KIAA1217: variants seen among roughly 807,000 people sequenced by gnomAD.
KIAA1217 encodes sickle tail protein homolog.
In KIAA1217, 88 loss-of-function variants were observed where a neutral mutation model predicts 163.9. That is an observed-to-expected ratio of 0.54 (90% CI 0.45 to 0.64). KIAA1217 has a LOEUF of 0.64. Ranked by LOEUF, KIAA1217 falls within the 30% of genes least tolerant of loss-of-function variation. KIAA1217 has a pLI of 0.00. For synonymous variants in KIAA1217, 903 were observed against 923.1 expected, an observed-to-expected ratio of 0.98 and a Z score of 0.39; for missense variants, 2,372 against 2,475.0, an observed-to-expected ratio of 0.96 and a Z score of 0.88.
At chr10:23,872,712 T>C (rs529575443) in intron 1 of KIAA1217, among the ~76,000 whole-genome samples, 3 of 152,202 alleles carry the variant, frequency 2.0e-5, no homozygotes, top group East Asian at 1.9e-4. Flanking sequence ...TTTGTGAAAA[T>C]ATAACATCTT....
At chr10:23,956,127 G>A (rs1376225131) in intron 1 of KIAA1217, among the ~76,000 whole-genome samples, 3 of 152,086 alleles carry the variant, frequency 2.0e-5, no homozygotes, top group East Asian at 3.9e-4. Flanking sequence ...CTTTTTTTAG[G>A]TGAGTCCATA....
rs1589413153 is a variant in KIAA1217, at chr10:24,077,609, C to G, written c.-171+70235C>G. ...GTGGGCATTTGGGTTGACTTCATGT[C>G]TTTGCTATTATGAATAGTGCTGCAG... On this transcript the variant is annotated intron_variant, in intron 2 of 18. Transcript: ENST00000376462. Among the ~76,000 whole-genome samples the G allele has an allele frequency of 2.0e-5, 3 of 152,264 alleles. No homozygotes were observed. The South Asian group carries it at 6.2e-4, about 32-fold the overall frequency.
intron 2 of KIAA1217, among the ~76,000 whole-genome samples, chr10:24,344,530 T>C (rs1192018762): frequency 6.6e-6 from 1 of 152,244 alleles, no homozygotes. Context: ...CTGACCTTAT[T>C]ATTGGGGAAT....
At chr10:23,933,576 A>G (rs1437892643) in intron 1 of KIAA1217, among the ~76,000 whole-genome samples, 1 of 152,242 alleles carries the variant, frequency 6.6e-6, no homozygotes, top group Non-Finnish European at 1.5e-5. Flanking sequence ...TCTGCACAGC[A>G]AAAGAAACTA....
chr10:24,223,849 C>A (rs1419122801), intron 2 of KIAA1217, among the ~76,000 whole-genome samples: 1 of 148,738 alleles, frequency 6.7e-6, no homozygotes, highest in Non-Finnish European at 1.5e-5. Context: ...CCACCCACCC[C>A]GCCCACCCCC....
intron 1 of KIAA1217, among the ~76,000 whole-genome samples, chr10:23,933,631 G>T (rs898394720): frequency 1.3e-5 from 2 of 151,986 alleles, no homozygotes; most frequent in African/African-American, 4.8e-5. Flanking sequence ...GAAAAGTTTT[G>T]CAATCTACCC....
At chr10:24,423,179 G>A (rs149395123) in intron 3 of KIAA1217, among the ~76,000 whole-genome samples, 5,305 of 152,062 alleles carry the variant, frequency 0.035, 189 homozygotes, top group Middle Eastern at 0.13. Context: ...GGCCTCCCAA[G>A]GTGCTGGGAT....
chr10:24,038,884 T>C (rs1252090562), intron 2 of KIAA1217, among the ~76,000 whole-genome samples: 3 of 151,410 alleles, frequency 2.0e-5, no homozygotes, highest in South Asian at 2.1e-4. Flanking sequence ...CTTGGGACTC[T>C]AGGCATGTGC....
chr10:24,544,566 C>T (rs747591771), intron 19 of KIAA1217, 85 bp downstream of exon 19: 71 of 1,449,688 alleles, frequency 4.9e-5, no homozygotes, highest in Non-Finnish European at 6.3e-5. Flanking sequence ...TGTCTTGTAA[C>T]TTAATTGCTT....
At chr10:23,715,287 G>A (rs1837496735) in intron 1 of KIAA1217, among the ~76,000 whole-genome samples, 1 of 152,156 alleles carries the variant, frequency 6.6e-6, no homozygotes, top group South Asian at 2.1e-4. Flanking sequence ...CCTAGTGGGG[G>A]ATGGAAGAGA....
chr10:23,865,893 A>T (rs570030663), intron 1 of KIAA1217, among the ~76,000 whole-genome samples: 16 of 152,282 alleles, frequency 1.1e-4, no homozygotes, highest in African/African-American at 2.2e-4. Flanking sequence ...TTTTTCATAG[A>T]TATTCAAATC....
chr10:24,285,299 C>T (rs1014670963), intron 2 of KIAA1217, among the ~76,000 whole-genome samples: 1 of 152,138 alleles, frequency 6.6e-6, no homozygotes, highest in Non-Finnish European at 1.5e-5. Context: ...AAACTCTTTG[C>T]CTAGGCCAAT....
chr10:24,524,331 C>T lies in KIAA1217; in HGVS notation c.2465C>T (p.Thr822Ile), dbSNP rs1190920916. The T allele has an allele frequency of 1.2e-6, 2 of 1,609,208 alleles. No homozygotes were observed. The highest frequency in any genetic ancestry group is 2.2e-5 in the South Asian group (2 of 91,010). The change falls in exon 13 of 21, where the codon ACT (threonine) becomes ATT (isoleucine). Residue 822 changes from threonine to isoleucine, a missense_variant. Around this residue, in one of 3 missense-constraint regions of KIAA1217, gnomAD observed 1,431 missense variants for 1,470.3 expected, o/e 0.97. Coordinates refer to ENST00000376454, the MANE Select transcript of KIAA1217 (RefSeq NM_019590.5). ...DVLTMLRRHV[T>I]DGLLKGTDAA... The stretch of plus-strand genomic sequence containing the variant: ...TGCATGGTTTCTCCTAGACATGTCA[C>T]TGATGGGCTCCTGAAAGGCACGGAC...
At chr10:24,199,500 G>T (rs1430971863) in intron 2 of KIAA1217, among the ~76,000 whole-genome samples, 1 of 152,186 alleles carries the variant, frequency 6.6e-6, no homozygotes, top group Non-Finnish European at 1.5e-5. Flanking sequence ...CTGTGGCGGG[G>T]ACAGACATTC....
At chr10:24,526,843 A>G (rs146532823) in intron 13 of KIAA1217, among the ~76,000 whole-genome samples, 1 of 152,318 alleles carries the variant, frequency 6.6e-6, no homozygotes, top group Non-Finnish European at 1.5e-5. Context: ...GGAAGAAAAA[A>G]TAAAGGAGGG....
At chr10:23,900,576 T>C (rs1362854953) in intron 1 of KIAA1217, among the ~76,000 whole-genome samples, 2 of 152,148 alleles carry the variant, frequency 1.3e-5, no homozygotes, top group African/African-American at 4.8e-5. Flanking sequence ...ATATTATTCA[T>C]AGTTTTCATA....
chr10:24,545,291 G>C (rs1564914328), intron 20 of KIAA1217, 188 bp downstream of exon 20: 1 of 1,406,258 alleles, frequency 7.1e-7, no homozygotes, highest in Non-Finnish European at 9.2e-7. Context: ...TTGCATGCTT[G>C]CAATAAAACA....
chr10:23,874,105 T>C (rs1840579953), intron 1 of KIAA1217, among the ~76,000 whole-genome samples: 1 of 152,168 alleles, frequency 6.6e-6, no homozygotes, highest in Admixed American at 6.6e-5. Flanking sequence ...CTGGATTCTG[T>C]TTGATATTAA....
At chr10:24,246,491 G>A (rs1237077754) in intron 2 of KIAA1217, among the ~76,000 whole-genome samples, 1 of 152,166 alleles carries the variant, frequency 6.6e-6, no homozygotes. Context: ...CGATATGAAT[G>A]TTGCAGGGGA....
Sources: gnomAD v4.1 joint callset for allele counts (sites outside exome capture counted in the v4.1 genomes callset) on GRCh38, gnomAD v4.1.1 for gene constraint, gnomAD v4.1.1 regional missense constraint, MANE v1.5 for transcripts, NCBI Gene and HGNC (gene_info 2026-07-23, HGNC 2026-07-21) for gene names.